The following PICALM variants were observed in gnomAD, a reference collection of about 807,000 sequenced individuals.
PICALM encodes phosphatidylinositol-binding clathrin assembly protein.
A neutral mutation model predicts 80.5 loss-of-function variants in PICALM; 40 were observed. The observed-to-expected ratio is 0.50, with a 90% CI of 0.39 to 0.65. PICALM has a LOEUF of 0.65. Among genes scored for constraint, PICALM ranks in the 30% least tolerant of loss-of-function variants. The pLI, the probability that PICALM is intolerant of heterozygous loss-of-function variation, is 0.00. For missense variants in PICALM, 676 were observed against 778.9 expected (o/e 0.87, Z 1.57); for synonymous variants, 288 against 260.3 (o/e 1.11, Z -1.02).
chr11:85,961,595 C>G (rs1416016937), intron 19 of PICALM, among the ~76,000 whole-genome samples: 1 of 152,186 alleles, frequency 6.6e-6, no homozygotes, highest in Non-Finnish European at 1.5e-5. Flanking sequence ...ATACATGTAT[C>G]CTTCATTAAG....
chr11:86,000,543 T>C (rs2095111401), intron 11 of PICALM, 100 bp downstream of exon 11: 1 of 879,662 alleles, frequency 1.1e-6, no homozygotes, highest in Non-Finnish European at 1.7e-6. Context: ...GAATAGATTA[T>C]AAAAGCATAA....
At chr11:86,056,711 C>T (rs2096275184) in intron 1 of PICALM, among the ~76,000 whole-genome samples, 1 of 152,130 alleles carries the variant, frequency 6.6e-6, no homozygotes, top group South Asian at 2.1e-4. Context: ...CACACGAAAA[C>T]TTGTATGTGA....
Position 85,979,445 on chromosome 11 carries a change from G to C in PICALM, c.1779+1684C>G, listed in dbSNP as rs181774633. ...GCAGAGGTTGCAGTGAGCTGAGGTC[G>C]CGCCACTGCAATGTAGCCTGGGCAA... On this transcript the variant is annotated intron_variant, in intron 17 of 19. Transcript: ENST00000393346. Among the ~76,000 whole-genome samples, 468 of 150,846 alleles carry C rather than the reference G, an allele frequency of 3.1e-3. 4 individuals are homozygous for C. Among genetic ancestry groups the C allele is most frequent in the South Asian group, 0.01 (50 of 4,786 alleles).
At chr11:85,964,340 C>G (rs1426516770) in intron 19 of PICALM, among the ~76,000 whole-genome samples, 3 of 152,188 alleles carry the variant, frequency 2.0e-5, no homozygotes, top group African/African-American at 7.2e-5. Context: ...TTCATTCTGT[C>G]TCATTGGCAA....
intron 1 of PICALM, among the ~76,000 whole-genome samples, chr11:86,033,269 GGT>G (rs60585705): frequency 1.3e-5 from 2 of 151,482 alleles, no homozygotes; most frequent in Non-Finnish European, 2.9e-5. Context: ...CATGGTGCAT[GGT>G]GTGTGTGTAT....
intron 8 of PICALM, among the ~76,000 whole-genome samples, chr11:86,006,636 A>G (rs1299893175): frequency 2.6e-5 from 4 of 152,196 alleles, no homozygotes; most frequent in Non-Finnish European, 5.9e-5. Flanking sequence ...GACAATAGCA[A>G]AACTCTATGT....
rs899881756 is a variant in PICALM, at chr11:86,027,432, A to AT, written c.274-1066dup. Reference sequence around the variant, plus strand: ...TTAGGATTACTTTACTTTCTTCTTCATTTTTTTTTTAATGCATGTAGAGGC... The same window carrying AT: ...TTAGGATTACTTTACTTTCTTCTTCATTTTTTTTTTTAATGCATGTAGAGGC... On this transcript the variant is annotated intron_variant, in intron 2 of 19. Transcript: ENST00000393346. 8.2e-4 allele frequency among the ~76,000 whole-genome samples: 117 copies of AT among 143,472 alleles called. 1 individual carries two copies. The East Asian group carries it at 0.012, about 15-fold the overall frequency. 94.1% of individuals were successfully genotyped at this position (143,472 alleles called of 152,430 possible).
At chr11:86,028,362 G>T (rs1252890540) in intron 2 of PICALM, among the ~76,000 whole-genome samples, 1 of 152,062 alleles carries the variant, frequency 6.6e-6, no homozygotes, top group Non-Finnish European at 1.5e-5. Flanking sequence ...CATTTGTTAT[G>T]CCATTCACTC....
rs1265291592 is a variant in PICALM at position 86,036,355 on chromosome 11, A to G, written c.131-4744T>C. On this transcript the variant is annotated intron_variant, in intron 1 of 19. Transcript: ENST00000393346. ...TGGTCCAAATTAAGATGTAACTGTT[A>G]AAATTTTATCTGTAAAGTTCATGGG... Among the ~76,000 whole-genome samples, 4 of 152,246 alleles carry G rather than the reference A, an allele frequency of 2.6e-5. No homozygotes were observed. The South Asian group carries it at 8.3e-4, about 31-fold the overall frequency.
intron 14 of PICALM, among the ~76,000 whole-genome samples, chr11:85,982,768 T>A (rs1313527697): frequency 6.6e-6 from 1 of 152,098 alleles, no homozygotes; most frequent in Non-Finnish European, 1.5e-5. Context: ...GAGTGAACTA[T>A]ATCTAAGAAA....
chr11:86,021,647 A>T (rs1949221), intron 4 of PICALM, among the ~76,000 whole-genome samples: 4 of 151,940 alleles, frequency 2.6e-5, no homozygotes, highest in African/African-American at 9.7e-5. Flanking sequence ...AATGACAAAC[A>T]TAAGAGTTAC....
intron 3 of PICALM, among the ~76,000 whole-genome samples, chr11:86,025,426 C>G (rs375403083): frequency 6.6e-6 from 1 of 151,702 alleles, no homozygotes; most frequent in African/African-American, 2.4e-5. Context: ...AAAATAGCTA[C>G]GAATATGAAG....
At chr11:86,042,972 G>A (rs563744030) in intron 1 of PICALM, among the ~76,000 whole-genome samples, 1 of 152,218 alleles carries the variant, frequency 6.6e-6, no homozygotes, top group South Asian at 2.1e-4. Flanking sequence ...GACTAAGTCT[G>A]GAGAAAAGTA....
chr11:85,986,600 C>T (rs1316776895), intron 13 of PICALM, among the ~76,000 whole-genome samples: 1 of 151,752 alleles, frequency 6.6e-6, no homozygotes, highest in African/African-American at 2.4e-5. Context: ...CCTTGTTAGC[C>T]AGGATGGTCT....
At chr11:86,057,995 T>C (rs994168823) in intron 1 of PICALM, among the ~76,000 whole-genome samples, 12 of 152,328 alleles carry the variant, frequency 7.9e-5, no homozygotes, top group South Asian at 2.1e-4. Flanking sequence ...ATTAGTTAAA[T>C]GCTAATGTTT....
At chr11:86,048,245 C>T (rs1165556834) in intron 1 of PICALM, among the ~76,000 whole-genome samples, 1 of 152,272 alleles carries the variant, frequency 6.6e-6, no homozygotes, top group South Asian at 2.1e-4. Flanking sequence ...AATTCTATAG[C>T]TAATTTTTAA....
intron 3 of PICALM, among the ~76,000 whole-genome samples, chr11:86,024,443 C>CTTT (rs11452201): frequency 7.3e-6 from 1 of 137,680 alleles, no homozygotes; most frequent in Non-Finnish European, 1.5e-5. Flanking sequence ...TTCCCCTGAT[C>CTTT]TTTTTTTTTT....
Position 86,069,074 on chromosome 11 carries a change from A to C in PICALM, c.-294T>G, listed in dbSNP as rs2096486803. Reference sequence around the variant, plus strand: ...CAGGGTAAGAGGAACAGGCAGCTGCAGGAAAATGGCGGCGCCAGGCTCCTC... The same window carrying C: ...CAGGGTAAGAGGAACAGGCAGCTGCCGGAAAATGGCGGCGCCAGGCTCCTC... On this transcript the variant is annotated 5_prime_UTR_variant, in exon 1 of 20. Coordinates refer to ENST00000393346, the MANE Select transcript of PICALM (RefSeq NM_007166.4). The C allele has an allele frequency of 2.9e-6, 1 of 341,240 alleles. No individual in the cohort carries two copies. Among genetic ancestry groups the C allele is most frequent in the South Asian group, 5.6e-5 (1 of 17,728 alleles). 21.1% of individuals were successfully genotyped at this position (341,240 alleles called of 1,614,324 possible).
chr11:85,968,289 T>C (rs2093975649), intron 19 of PICALM, among the ~76,000 whole-genome samples: 1 of 60,070 alleles, frequency 1.7e-5, no homozygotes. Context: ...AGACCCTGTC[T>C]CAAAAAAACA....
Sources: allele counts gnomAD v4.1 joint callset (sites outside exome capture counted in the v4.1 genomes callset), GRCh38; gene constraint gnomAD v4.1.1; transcripts MANE v1.5; gene names NCBI Gene and HGNC (gene_info 2026-07-23, HGNC 2026-07-21).